The following PTPRD variants were observed in gnomAD, a reference collection of about 807,000 sequenced individuals.
PTPRD encodes the protein receptor-type tyrosine-protein phosphatase delta.
A neutral mutation model predicts 214.5 loss-of-function variants in PTPRD; 34 were observed. The ratio of observed to expected loss-of-function variants is 0.16; its 90% CI spans 0.12 to 0.21. The LOEUF (loss-of-function observed/expected upper bound fraction) is 0.21. Ranked by LOEUF, PTPRD falls within the 10% of genes least tolerant of loss-of-function variation. PTPRD has a pLI of 1.00. For synonymous variants in PTPRD, 1,128 were observed against 845.7 expected (o/e 1.33, Z -5.79); for missense variants, 2,545 against 2,398.7 (o/e 1.06, Z -1.27).
At chr9:8,335,209 G>C (rs1845411053) in intron 43 of PTPRD, among the ~76,000 whole-genome samples, 1 of 150,912 alleles carries the variant, frequency 6.6e-6, no homozygotes. Flanking sequence ...GAAAATTCCA[G>C]GCCAATATCC....
At chr9:10,207,786 C>CA (rs566596514) in intron 3 of PTPRD, among the ~76,000 whole-genome samples, 190 of 149,482 alleles carry the variant, frequency 1.3e-3, no homozygotes, top group African/African-American at 4.4e-3. Context: ...GTATAAATGT[C>CA]AAAAAAAATC....
intron 9 of PTPRD, among the ~76,000 whole-genome samples, chr9:9,372,061 G>C (rs965647503): frequency 8.5e-5 from 13 of 152,106 alleles, no homozygotes; most frequent in African/African-American, 3.1e-4. Flanking sequence ...AATAAGTGCA[G>C]TGTGGTGCTG....
At chr9:10,263,265 G>C (rs1200511205) in intron 3 of PTPRD, among the ~76,000 whole-genome samples, 1 of 152,164 alleles carries the variant, frequency 6.6e-6, no homozygotes, top group Admixed American at 6.5e-5. Flanking sequence ...CTGAGTAACA[G>C]GCAGAGGTTG....
At chr9:10,037,585 A>AGG (rs2097209124) in intron 3 of PTPRD, among the ~76,000 whole-genome samples, 3 of 151,546 alleles carry the variant, frequency 2.0e-5, no homozygotes, top group Admixed American at 6.6e-5. Context: ...CAGTGGAAAA[A>AGG]AAAAAAAAAA....
At chr9:8,805,250 TC>T (rs2096652129) in intron 11 of PTPRD, among the ~76,000 whole-genome samples, 1 of 152,154 alleles carries the variant, frequency 6.6e-6, no homozygotes, top group Middle Eastern at 3.2e-3. Context: ...AAACTAAAGT[TC>T]CAAAAATTTG....
intron 11 of PTPRD, among the ~76,000 whole-genome samples, chr9:8,939,272 T>C (rs1236935846): frequency 6.6e-6 from 1 of 152,194 alleles, no homozygotes; most frequent in Non-Finnish European, 1.5e-5. Flanking sequence ...ATTTAAATTC[T>C]ATGTTCTGAA....
At chr9:8,819,775 C>G (rs140719408) in intron 11 of PTPRD, among the ~76,000 whole-genome samples, 13 of 152,314 alleles carry the variant, frequency 8.5e-5, no homozygotes, top group Admixed American at 2.6e-4. Flanking sequence ...CTTTGTGACA[C>G]AGCATCGTGA....
intron 9 of PTPRD, among the ~76,000 whole-genome samples, chr9:9,189,656 T>C (rs1326322156): frequency 1.3e-5 from 2 of 152,088 alleles, no homozygotes; most frequent in African/African-American, 2.4e-5. Context: ...CAGGAACTGC[T>C]TTTATTTTTT....
intron 9 of PTPRD, among the ~76,000 whole-genome samples, chr9:9,231,687 TAA>T (rs1234539584): frequency 6.6e-6 from 1 of 152,276 alleles, no homozygotes; most frequent in East Asian, 1.9e-4. Flanking sequence ...TATAGAACAG[TAA>T]CACACTTGAG....
intron 11 of PTPRD, among the ~76,000 whole-genome samples, chr9:8,795,290 A>T (rs1600052309): frequency 6.6e-6 from 1 of 151,896 alleles, no homozygotes; most frequent in African/African-American, 2.4e-5. Context: ...TCAGCCTCCC[A>T]AGTAGCTGGG....
At chr9:10,369,785 G>T (rs1375398314) in intron 2 of PTPRD, among the ~76,000 whole-genome samples, 1 of 151,940 alleles carries the variant, frequency 6.6e-6, no homozygotes, top group Non-Finnish European at 1.5e-5. Flanking sequence ...ATAGCATTAA[G>T]TGAGCTACAC....
chr9:9,237,017 T>A (rs2099967240), intron 9 of PTPRD, among the ~76,000 whole-genome samples: 1 of 152,180 alleles, frequency 6.6e-6, no homozygotes, highest in Non-Finnish European at 1.5e-5. Flanking sequence ...AGATATAACT[T>A]TGGTTCTTAT....
chr9:10,034,498 G>C (rs556633353), intron 3 of PTPRD, among the ~76,000 whole-genome samples: 76 of 143,896 alleles, frequency 5.3e-4, no homozygotes, highest in African/African-American at 1.8e-3. Flanking sequence ...ATAGGCGTTT[G>C]TTGTGCCTAT....
At chr9:10,208,029 A>G (rs2099492832) in intron 3 of PTPRD, among the ~76,000 whole-genome samples, 1 of 152,212 alleles carries the variant, frequency 6.6e-6, no homozygotes, top group Non-Finnish European at 1.5e-5. Flanking sequence ...ACATAAATAG[A>G]GCATCAGAAG....
intron 10 of PTPRD, among the ~76,000 whole-genome samples, chr9:9,088,133 C>G (rs1315585896): frequency 1.3e-5 from 2 of 151,432 alleles, no homozygotes; most frequent in African/African-American, 4.8e-5. Context: ...CTGCTCGCCT[C>G]AGCCTTCCAA....
intron 11 of PTPRD, among the ~76,000 whole-genome samples, chr9:8,779,097 A>G (rs1407705703): frequency 6.6e-6 from 1 of 152,034 alleles, no homozygotes; most frequent in East Asian, 1.9e-4. Flanking sequence ...TAAAGACAGG[A>G]GATGAGAGGA....
At chr9:8,731,891 T>A (rs539817311) in intron 12 of PTPRD, among the ~76,000 whole-genome samples, 1 of 152,354 alleles carries the variant, frequency 6.6e-6, no homozygotes, top group East Asian at 1.9e-4. Flanking sequence ...TTTGGCCAAG[T>A]TGAAGCCTGC....
At chr9:10,083,134 A>G (rs1403333431) in intron 3 of PTPRD, among the ~76,000 whole-genome samples, 1 of 151,986 alleles carries the variant, frequency 6.6e-6, no homozygotes, top group African/African-American at 2.4e-5. Flanking sequence ...TATAAAATAT[A>G]CCCTATCCTT....
chr9:9,752,755 A>G (rs1390048450), intron 6 of PTPRD, among the ~76,000 whole-genome samples: 15 of 152,090 alleles, frequency 9.9e-5, no homozygotes, highest in Non-Finnish European at 2.2e-4. Context: ...ATTTTAGAAA[A>G]ATCGTTTTAC....
Sources: gnomAD v4.1 joint callset for allele counts (sites outside exome capture counted in the v4.1 genomes callset) on GRCh38, gnomAD v4.1.1 for gene constraint, MANE v1.5 for transcripts, NCBI Gene and HGNC (gene_info 2026-07-23, HGNC 2026-07-21) for gene names.